The following TTLL5 variants were observed in gnomAD, a reference collection of about 807,000 sequenced individuals.
The protein encoded by TTLL5 is tubulin tyrosine ligase like 5, also known as tubulin polyglutamylase TTLL5.
TTLL5 carries 132 observed loss-of-function variants against 168.4 expected under a neutral mutation model. The ratio of observed to expected loss-of-function variants is 0.78; its 90% CI spans 0.68 to 0.91. TTLL5 has a LOEUF of 0.91. Among genes scored for constraint, TTLL5 ranks in the 40% least tolerant of loss-of-function variants. The pLI, the probability that TTLL5 is intolerant of heterozygous loss-of-function variation, is 0.00. For synonymous variants in TTLL5, 546 were observed against 558.6 expected (o/e 0.98, Z 0.32); for missense variants, 1,545 against 1,581.5 (o/e 0.98, Z 0.39).
At chr14:75,823,834 A>G (rs563883388) in intron 28 of TTLL5, among the ~76,000 whole-genome samples, 2 of 152,314 alleles carry the variant, frequency 1.3e-5, no homozygotes, top group South Asian at 4.1e-4. Context: ...GGAGTGGGAA[A>G]TCTTGAGAAG....
intron 28 of TTLL5, among the ~76,000 whole-genome samples, chr14:75,857,556 ATGAGT>A (rs1324942430): frequency 3.3e-5 from 5 of 151,326 alleles, no homozygotes; most frequent in South Asian, 2.1e-4. Context: ...TGCTAACCTC[ATGAGT>A]TGGGAAGTTT....
intron 15 of TTLL5, among the ~76,000 whole-genome samples, chr14:75,743,200 C>G (rs1566584460): frequency 6.6e-6 from 1 of 152,156 alleles, no homozygotes; most frequent in Admixed American, 6.5e-5. Flanking sequence ...TATAGATATC[C>G]ATCATGGAGT....
At chr14:75,900,968 G>A (rs1442174717) in intron 30 of TTLL5, among the ~76,000 whole-genome samples, 1 of 152,182 alleles carries the variant, frequency 6.6e-6, no homozygotes. Flanking sequence ...TATTTCTTGT[G>A]TGAATGACTG....
chr14:75,828,303 A>G (rs1159091395), intron 28 of TTLL5, among the ~76,000 whole-genome samples: 1 of 152,158 alleles, frequency 6.6e-6, no homozygotes, highest in Non-Finnish European at 1.5e-5. Context: ...ACAGCAAGAC[A>G]AACCCCTTCT....
rs1890963753 is a variant in TTLL5 at position 75,766,193 on chromosome 14, A to G, written c.1840A>G (p.Asn614Asp). 31 of 1,613,964 alleles carry G rather than the reference A, an allele frequency of 1.9e-5. No homozygotes were observed. Among genetic ancestry groups the G allele is most frequent in the Non-Finnish European group, 2.6e-5 (31 of 1,180,010 alleles). ...GGAGTCTGCAGGATTTCTTAGAGAA[A>G]ATCAAGCCAAATATACACCCTCATT... is the stretch of plus-strand genomic sequence containing the variant. ...QEESAGFLRE[N>D]QAKYTPSLTA... Residue 614 changes from asparagine (N) to aspartate (D), a missense_variant, in exon 20 of 32, where the codon AAT (asparagine) becomes GAT (aspartate). Physicochemically the swap from Asn to Asp is conservative, Grantham distance 23 (BLOSUM62 1). Transcript: ENST00000298832.
chr14:75,896,325 T>C (rs752523178), intron 30 of TTLL5, among the ~76,000 whole-genome samples: 7 of 152,194 alleles, frequency 4.6e-5, no homozygotes, highest in Non-Finnish European at 1.0e-4. Flanking sequence ...TTTTGTTTTG[T>C]TTCTTTTTTC....
intron 18 of TTLL5, among the ~76,000 whole-genome samples, chr14:75,763,394 C>G (rs12890545): frequency 0.73 from 111,195 of 151,702 alleles, 41,090 homozygotes; most frequent in Admixed American, 0.79. Flanking sequence ...GGCTCTTTGT[C>G]TTACTCTGGA....
intron 12 of TTLL5, among the ~76,000 whole-genome samples, chr14:75,722,673 G>A (rs1887916701): frequency 6.6e-6 from 1 of 151,828 alleles, no homozygotes; most frequent in African/African-American, 2.4e-5. Flanking sequence ...ATTAGAGACA[G>A]GGTCTCACTG....
At position 75,805,639 on chromosome 14, in the gene TTLL5, C is replaced by CTATA. The variant is rs571962724; in HGVS notation, c.3171+12541_3171+12544dup. 1.1e-3 allele frequency among the ~76,000 whole-genome samples: 173 copies of CTATA among 152,314 alleles called. 2 individuals carry two copies. In the South Asian group the frequency reaches 0.013, roughly 12 times the overall value. ...CCACCTGTGAGACATTTCTACCTAA[C>CTATA]TATATTGCAGAACATTCAAAATACT... is the stretch of plus-strand genomic sequence containing the variant. On this transcript the variant is annotated intron_variant, in intron 27 of 31. Transcript: ENST00000298832.
chr14:75,746,289 G>GA (rs1889605428), intron 17 of TTLL5, among the ~76,000 whole-genome samples: 1 of 152,164 alleles, frequency 6.6e-6, no homozygotes. Context: ...GAATATACCA[G>GA]AATTTGTTGA....
intron 29 of TTLL5, among the ~76,000 whole-genome samples, chr14:75,873,701 C>A (rs922983016): frequency 4.6e-5 from 7 of 151,486 alleles, no homozygotes; most frequent in Non-Finnish European, 1.0e-4. Context: ...ACCACATTTT[C>A]TTTTTCCATT....
At position 75,902,233 on chromosome 14, in the gene TTLL5, G is replaced by C. The variant is rs1322283002; in HGVS notation, c.3823+9G>C. 1.9e-6 allele frequency: 3 copies of C among 1,613,728 alleles called. No homozygotes were observed. Among genetic ancestry groups the C allele is most frequent in the Non-Finnish European group, 2.5e-6 (3 of 1,179,872 alleles). ...CATCACCAGCTCTACAGGTTAGTGG[G>C]CACCAGCTCTTCTGCAACTGGATAG... is the stretch of plus-strand genomic sequence containing the variant. On this transcript the variant is annotated intron_variant, in intron 31 of 31. Coordinates refer to ENST00000298832, the MANE Select transcript of TTLL5 (RefSeq NM_015072.5).
At chr14:75,712,707 A>G (rs909750983) in intron 9 of TTLL5, among the ~76,000 whole-genome samples, 2 of 151,834 alleles carry the variant, frequency 1.3e-5, no homozygotes, top group African/African-American at 4.8e-5. Context: ...AAACATTGAA[A>G]TCTTTTCTCC....
chr14:75,926,655 TA>T (rs2034081312), intron 31 of TTLL5, among the ~76,000 whole-genome samples: 2 of 152,034 alleles, frequency 1.3e-5, no homozygotes, highest in Admixed American at 6.6e-5. Context: ...AAAAGACAGG[TA>T]ATAACAAGTG....
At chr14:75,748,017 T>C (rs1410577729) in intron 17 of TTLL5, among the ~76,000 whole-genome samples, 1 of 152,222 alleles carries the variant, frequency 6.6e-6, no homozygotes, top group East Asian at 1.9e-4. Flanking sequence ...ACAGTTGGGC[T>C]CTATTTGCAT....
chr14:75,716,008 G>T (rs954977535), intron 9 of TTLL5, among the ~76,000 whole-genome samples: 4 of 152,084 alleles, frequency 2.6e-5, no homozygotes, highest in Admixed American at 1.3e-4. Context: ...CTAATTCATT[G>T]TTCTTTGAGG....
intron 28 of TTLL5, among the ~76,000 whole-genome samples, chr14:75,850,840 G>A (rs1896802737): frequency 6.6e-6 from 1 of 152,054 alleles, no homozygotes; most frequent in Non-Finnish European, 1.5e-5. Context: ...AGGTGCAGTG[G>A]CTCATGCCTG....
chr14:75,854,231 C>T (rs1445464312), intron 28 of TTLL5, among the ~76,000 whole-genome samples: 1 of 152,160 alleles, frequency 6.6e-6, no homozygotes, highest in Non-Finnish European at 1.5e-5. Flanking sequence ...TCTTCTGACT[C>T]CTCTCACTGT....
intron 18 of TTLL5, 40 bp from the exon 19 acceptor site, chr14:75,764,575 C>T (rs753055897): frequency 6.2e-7 from 1 of 1,608,628 alleles, no homozygotes; most frequent in Non-Finnish European, 8.5e-7. Flanking sequence ...AAGGAGAGAA[C>T]TTTCTGAAGG....
Sources: allele counts gnomAD v4.1 joint callset (sites outside exome capture counted in the v4.1 genomes callset), GRCh38; gene constraint gnomAD v4.1.1; transcripts MANE v1.5; gene names NCBI Gene and HGNC (gene_info 2026-07-23, HGNC 2026-07-21).